FHOD3: variants seen among roughly 807,000 people sequenced by gnomAD.
The protein encoded by FHOD3 is FH1/FH2 domain-containing protein 3.
In FHOD3, 90 loss-of-function variants were observed where a neutral mutation model predicts 173.0. That is an observed-to-expected ratio of 0.52 (90% CI 0.44 to 0.62). FHOD3 has a LOEUF of 0.62. Ranked by LOEUF, FHOD3 falls within the 20% of genes least tolerant of loss-of-function variation. FHOD3 has a pLI of 0.00. For missense variants in FHOD3, 1,945 were observed against 2,034.7 expected, an observed-to-expected ratio of 0.96 and a Z score of 0.85; for synonymous variants, 828 against 823.0, an observed-to-expected ratio of 1.01 and a Z score of -0.10.
chr18:36,505,022 G>A (rs1055154288), intron 4 of FHOD3, among the ~76,000 whole-genome samples: 2 of 152,160 alleles, frequency 1.3e-5, no homozygotes, highest in African/African-American at 4.8e-5. Context: ...TTCCACACAT[G>A]CCCAGATCCC....
At chr18:36,548,748 G>T (rs2057519289) in intron 5 of FHOD3, among the ~76,000 whole-genome samples, 1 of 152,142 alleles carries the variant, frequency 6.6e-6, no homozygotes, top group African/African-American at 2.4e-5. Flanking sequence ...ACGTCGCATG[G>T]TCTTCATAGT....
intron 7 of FHOD3, among the ~76,000 whole-genome samples, chr18:36,596,048 G>A (rs546162160): frequency 7.4e-4 from 112 of 152,280 alleles, no homozygotes; most frequent in Non-Finnish European, 1.2e-3. Context: ...GTGTGTGTGC[G>A]TGCACACTAT....
intron 7 of FHOD3, among the ~76,000 whole-genome samples, chr18:36,596,855 G>A (rs548614294): frequency 5.3e-5 from 8 of 152,096 alleles, no homozygotes; most frequent in Middle Eastern, 3.2e-3. Context: ...TCATGGGGCC[G>A]GCCCAGAATC....
At chr18:36,526,186 G>T (rs1348348387) in intron 5 of FHOD3, among the ~76,000 whole-genome samples, 2 of 152,246 alleles carry the variant, frequency 1.3e-5, no homozygotes, top group Non-Finnish European at 2.9e-5. Context: ...AAGGAACTTG[G>T]CAGTGGCTTA....
chr18:36,449,051 G>A (rs1460625376), intron 3 of FHOD3, among the ~76,000 whole-genome samples: 2 of 151,650 alleles, frequency 1.3e-5, no homozygotes, highest in African/African-American at 2.4e-5. Flanking sequence ...CTTCACAATG[G>A]TATTTGCATT....
At chr18:36,706,572 A>T (rs934661252) in intron 17 of FHOD3, among the ~76,000 whole-genome samples, 2 of 152,222 alleles carry the variant, frequency 1.3e-5, no homozygotes, top group African/African-American at 4.8e-5. Flanking sequence ...TCAGGGCCAG[A>T]GCCGCTGCTT....
At chr18:36,603,223 T>C (rs1364229643) in intron 8 of FHOD3, among the ~76,000 whole-genome samples, 1 of 152,202 alleles carries the variant, frequency 6.6e-6, no homozygotes, top group Non-Finnish European at 1.5e-5. Flanking sequence ...AGGGAACTAA[T>C]ACATTGTGAA....
rs541440146 is a variant in FHOD3 at position 36,378,566 on chromosome 18, A to C, written c.337+5822A>C. On this transcript the variant is annotated intron_variant, in intron 3 of 28. Coordinates refer to ENST00000590592, the MANE Select transcript of FHOD3 (RefSeq NM_001281740.3). ...CAGACTGGAATTGACAGGTGTGTCC[A>C]ACCCCTGTCCCCCCTGGACCCCTCT... Among the ~76,000 whole-genome samples the C allele has an allele frequency of 5.5e-5, 8 of 144,678 alleles. No homozygotes were observed. In the East Asian group the frequency reaches 1.6e-3, roughly 29 times the overall value. 94.9% of individuals were successfully genotyped at this position (144,678 alleles called of 152,430 possible). A position where few individuals can be genotyped will look rare whatever the true frequency, so the allele number is the denominator to read the frequency against.
chr18:36,418,444 A>G (rs2049791408), intron 3 of FHOD3, among the ~76,000 whole-genome samples: 1 of 152,172 alleles, frequency 6.6e-6, no homozygotes, highest in Admixed American at 6.6e-5. Context: ...TTAGTTTGAA[A>G]GCTTTGTATT....
At chr18:36,591,031 A>G (rs531967208) in intron 6 of FHOD3, among the ~76,000 whole-genome samples, 1 of 152,286 alleles carries the variant, frequency 6.6e-6, no homozygotes, top group East Asian at 1.9e-4. Flanking sequence ...CCACATAATA[A>G]TAGTCCACCC....
At chr18:36,595,947 GA>G in intron 7 of FHOD3, among the ~76,000 whole-genome samples, 1 of 152,166 alleles carries the variant, frequency 6.6e-6, no homozygotes, top group East Asian at 1.9e-4. Flanking sequence ...AAAAACTTGG[GA>G]AAAGTTTAAA....
chr18:36,622,860 TC>T (rs2033819569), intron 9 of FHOD3, among the ~76,000 whole-genome samples: 1 of 152,186 alleles, frequency 6.6e-6, no homozygotes, highest in South Asian at 2.1e-4. Context: ...AAGCCTCTCT[TC>T]CTGTCATCAC....
intron 5 of FHOD3, among the ~76,000 whole-genome samples, chr18:36,525,673 G>A (rs1163664852): frequency 1.3e-5 from 2 of 152,186 alleles, no homozygotes; most frequent in Non-Finnish European, 2.9e-5. Context: ...GATATCATGA[G>A]GGCAGCAACC....
At chr18:36,453,044 A>G (rs1002898215) in intron 3 of FHOD3, among the ~76,000 whole-genome samples, 3 of 152,054 alleles carry the variant, frequency 2.0e-5, no homozygotes, top group Non-Finnish European at 4.4e-5. Flanking sequence ...CTGGATAAAT[A>G]CCCAGAAGTT....
chr18:36,746,911 T>G (rs1158477176), intron 23 of FHOD3, 34 bp from the exon 24 acceptor site: 1 of 1,533,924 alleles, frequency 6.5e-7, no homozygotes. Context: ...TCCGGCGGTT[T>G]CAGTGTTTGC....
chr18:36,657,230 T>G (rs1404661351), intron 13 of FHOD3, among the ~76,000 whole-genome samples: 1 of 152,184 alleles, frequency 6.6e-6, no homozygotes, highest in Non-Finnish European at 1.5e-5. Context: ...GCTCTGTGGC[T>G]GGGTAGATTT....
intron 3 of FHOD3, among the ~76,000 whole-genome samples, chr18:36,473,403 G>A (rs962200907): frequency 1.3e-5 from 2 of 152,218 alleles, no homozygotes; most frequent in Admixed American, 6.5e-5. Flanking sequence ...GACAGAGTGA[G>A]ACTCCATCTC....
chr18:36,316,072 A>G lies in FHOD3; in HGVS notation c.165+18072A>G, dbSNP rs2044104323. 1.3e-5 allele frequency among the ~76,000 whole-genome samples: 2 copies of G among 150,908 alleles called. 1 individual carries two copies. The highest frequency in any genetic ancestry group is 4.2e-4 in the South Asian group (2 of 4,752). ...TTTCTTTGTGTCTCAGGTCTCTGGT[A>G]TCTTTAAGCCTCTTTTCTTCCCCCA... On this transcript the variant is annotated intron_variant, in intron 1 of 28. Transcript: ENST00000590592.
At chr18:36,586,638 G>A (rs866460801) in intron 6 of FHOD3, among the ~76,000 whole-genome samples, 1 of 151,980 alleles carries the variant, frequency 6.6e-6, no homozygotes, top group Non-Finnish European at 1.5e-5. Context: ...ACAGGCATGC[G>A]CCACCATGCC....
Sources: gnomAD v4.1 joint callset for allele counts (sites outside exome capture counted in the v4.1 genomes callset) on GRCh38, gnomAD v4.1.1 for gene constraint, MANE v1.5 for transcripts, NCBI Gene and HGNC (gene_info 2026-07-23, HGNC 2026-07-21) for gene names.